The following NFIX variants were observed in gnomAD, a reference collection of about 807,000 sequenced individuals.
NFIX encodes the protein nuclear factor 1 X-type.
Under a neutral mutation model 53.3 loss-of-function variants are expected in NFIX, and 2 were observed. The ratio of observed to expected loss-of-function variants is 0.04; its 90% CI spans 0.02 to 0.12. The LOEUF is 0.12. Ranked by LOEUF, NFIX falls within the 10% of genes least tolerant of loss-of-function variation. NFIX has a pLI of 1.00. For missense variants in NFIX, 310 were observed against 674.5 expected (o/e 0.46, Z 5.99); for synonymous variants, 244 against 289.0 (o/e 0.84, Z 1.58).
chr19:13,092,938 G>A (rs2145529642), intron 10 of NFIX, among the ~76,000 whole-genome samples: 1 of 152,380 alleles, frequency 6.6e-6, no homozygotes, highest in South Asian at 2.1e-4. Flanking sequence ...GAGCCCCACT[G>A]AGGGAGGGCA....
intron 2 of NFIX, among the ~76,000 whole-genome samples, chr19:13,033,888 G>A (rs2013991602): frequency 6.6e-6 from 1 of 152,222 alleles, no homozygotes; most frequent in Admixed American, 6.5e-5. Flanking sequence ...GAATTAGCTC[G>A]TTTTGTCAGC....
At position 13,052,183 on chromosome 19, in the gene NFIX, G is replaced by C. The variant is rs1484053854; in HGVS notation, c.560-20864G>C. Among the ~76,000 whole-genome samples the C allele has an allele frequency of 6.6e-6, 1 of 152,178 alleles. No individual in the cohort carries two copies. The highest frequency in any genetic ancestry group is 1.5e-5 in the Non-Finnish European group (1 of 68,026). ...TCCTGGGGCTTGTCCAAGTGGGTAG[G>C]TCTGGGCAGGGCTCGTGAATCTGCA... On this transcript the variant is annotated intron_variant, in intron 2 of 10. Coordinates refer to ENST00000592199, the MANE Select transcript of NFIX (RefSeq NM_001365902.3). The surrounding 1 kb of genome is among the most constrained non-coding windows in gnomAD (Gnocchi z 5.2).
rs1228392390 is a variant in NFIX at position 13,068,338 on chromosome 19, G to C, written c.560-4709G>C. The stretch of plus-strand genomic sequence containing the variant: ...AAGGACAGAGGGAGGGGAGCCAAGG[G>C]AGACAGGGAAGTAAGATCAGAAATG... On this transcript the variant is annotated intron_variant, in intron 2 of 10. Transcript: ENST00000592199. The surrounding 1 kb of genome is among the most constrained non-coding windows in gnomAD (Gnocchi z 4.2). Among the ~76,000 whole-genome samples the C allele has an allele frequency of 1.3e-5, 2 of 152,178 alleles. No individual in the cohort carries two copies. The highest frequency in any genetic ancestry group is 2.9e-5 in the Non-Finnish European group (2 of 68,032).
rs556677258 is a variant in NFIX, at chr19:13,052,407, C to A, written c.560-20640C>A. On this transcript the variant is annotated intron_variant, in intron 2 of 10. Transcript: ENST00000592199. This position sits in a 1 kb window ranked among gnomAD's most constrained non-coding sequence, Gnocchi z 5.2. ...GGATGGCACGAACCACCTGAGTGAT[C>A]CCCCTGTTCTCAGAACACAGGTGGG... Among the ~76,000 whole-genome samples, 1 of 152,276 alleles carries A rather than the reference C, an allele frequency of 6.6e-6. No homozygotes were observed. Among genetic ancestry groups the A allele is most frequent in the Admixed American group, 6.5e-5 (1 of 15,302 alleles).
intron 2 of NFIX, among the ~76,000 whole-genome samples, chr19:13,050,961 T>G (rs577467991): frequency 6.6e-6 from 1 of 152,288 alleles, no homozygotes; most frequent in Admixed American, 6.5e-5. Context: ...CCCTTGGAGA[T>G]GGCCCTGGGC....
chr19:13,086,015 A>G (rs866591531), intron 8 of NFIX, among the ~76,000 whole-genome samples: 9 of 152,212 alleles, frequency 5.9e-5, no homozygotes, highest in South Asian at 2.1e-4. Context: ...GTTGTGATTC[A>G]GGGGATCTGG....
rs1161702365 is a variant in NFIX at position 12,995,797 on chromosome 19, C to T, written c.-41C>T. The T allele has an allele frequency of 4.7e-5, 45 of 964,180 alleles. No individual in the cohort carries two copies. Among genetic ancestry groups the T allele is most frequent in the Non-Finnish European group, 5.3e-5 (43 of 812,518 alleles). 59.7% of individuals were successfully genotyped at this position (964,180 alleles called of 1,614,324 possible). On this transcript the variant is annotated 5_prime_UTR_variant, in exon 1 of 11. Transcript: ENST00000592199. ...GGCCGCCGCCTGCCGGGCCTCCCCT[C>T]GCCGCGGCCGGCCGCCGCGCTCCCG...
chr19:13,017,858 C>T (rs926901091), intron 1 of NFIX, among the ~76,000 whole-genome samples: 1 of 152,238 alleles, frequency 6.6e-6, no homozygotes, highest in African/African-American at 2.4e-5. Context: ...GCAGTTCTTC[C>T]CTCTTCCCGG....
At chr19:13,091,827 G>A (rs939437650) in intron 10 of NFIX, among the ~76,000 whole-genome samples, 2 of 152,200 alleles carry the variant, frequency 1.3e-5, no homozygotes, top group South Asian at 2.1e-4. Context: ...GCGGTCGTGC[G>A]CTCCGAGGAC....
At position 13,088,490 on chromosome 19, in the gene NFIX, T is replaced by G. The variant is rs1001497881; in HGVS notation, c.1402+354T>G. ...ATGCCATCTTCATGCCTGATTGCTG[T>G]TTTTTTTTTTTTGTTTTTTGTTTTT... On this transcript the variant is annotated intron_variant, in intron 9 of 10. Coordinates refer to ENST00000592199, the MANE Select transcript of NFIX (RefSeq NM_001365902.3). This position sits in a 1 kb window ranked among gnomAD's most constrained non-coding sequence, Gnocchi z 5.9. Among the ~76,000 whole-genome samples, 3 of 137,320 alleles carry G rather than the reference T, an allele frequency of 2.2e-5. No homozygotes were observed. Among genetic ancestry groups the G allele is most frequent in the African/African-American group, 5.5e-5 (2 of 36,222 alleles). 90.1% of individuals were successfully genotyped at this position (137,320 alleles called of 152,430 possible). A position where few individuals can be genotyped will look rare whatever the true frequency, so the allele number is the denominator to read the frequency against.
chr19:13,071,959 G>A (rs2016800651), intron 2 of NFIX, among the ~76,000 whole-genome samples: 1 of 152,244 alleles, frequency 6.6e-6, no homozygotes, highest in African/African-American at 2.4e-5. Context: ...CCAGCAGGTT[G>A]AATCAGGGTG....
chr19:13,094,671 C>G lies in NFIX; in HGVS notation c.*22C>G. The stretch of plus-strand genomic sequence containing the variant: ...CTGATAAGATCGACAAAAGAAACAA[C>G]AAAATGAGAAGAAGAGGTTCCTCGA... On this transcript the variant is annotated 3_prime_UTR_variant, in exon 11 of 11. Transcript: ENST00000592199. This position sits in a 1 kb window ranked among gnomAD's most constrained non-coding sequence, Gnocchi z 4.3. The G allele has an allele frequency of 1.3e-6, 2 of 1,535,146 alleles. No homozygotes were observed. Among genetic ancestry groups the G allele is most frequent in the South Asian group, 1.2e-5 (1 of 84,024 alleles).
chr19:13,071,384 A>G (rs983594906), intron 2 of NFIX: 4 of 152,164 alleles, frequency 2.6e-5, no homozygotes, highest in Non-Finnish European at 5.9e-5. Context: ...CATTCACACC[A>G]TGCTATGGCA....
rs1221095241 is a variant in NFIX, at chr19:13,049,657, G to A, written c.560-23390G>A. Among the ~76,000 whole-genome samples the A allele has an allele frequency of 1.3e-5, 2 of 150,474 alleles. No homozygotes were observed. The highest frequency in any genetic ancestry group is 2.0e-4 in the East Asian group (1 of 5,112). ...CGCCCAGGCTGGAGTGCAGTGGCGC[G>A]ATCTCTGCTCACTGCAACCTCTGCC... On this transcript the variant is annotated intron_variant, in intron 2 of 10. Coordinates refer to ENST00000592199, the MANE Select transcript of NFIX (RefSeq NM_001365902.3). This position sits in a 1 kb window ranked among gnomAD's most constrained non-coding sequence, Gnocchi z 4.5.
chr19:12,997,372 C>T (rs987220225), intron 1 of NFIX, among the ~76,000 whole-genome samples: 9 of 152,214 alleles, frequency 5.9e-5, no homozygotes, highest in East Asian at 1.9e-4. Flanking sequence ...GCCCAGGGAG[C>T]GGGTTTTCCT....
chr19:13,034,699 A>G (rs1051704215), intron 2 of NFIX, among the ~76,000 whole-genome samples: 9 of 152,080 alleles, frequency 5.9e-5, no homozygotes, highest in Admixed American at 5.2e-4. Context: ...TCTGCTACTC[A>G]TTGCCTTTTT....
In NFIX at chr19:13,095,454, C is replaced by G. The variant is rs1013582915; in HGVS notation, c.*805C>G. 1.3e-5 allele frequency: 2 copies of G among 152,300 alleles called. No individual in the cohort carries two copies. Among genetic ancestry groups the G allele is most frequent in the Admixed American group, 6.5e-5 (1 of 15,286 alleles). The allele number at this position is 152,300 out of a possible 1,614,324, so 9.4% of individuals were successfully genotyped here. A position where few individuals can be genotyped will look rare whatever the true frequency, so the allele number is the denominator to read the frequency against. On this transcript the variant is annotated 3_prime_UTR_variant, in exon 11 of 11. Transcript: ENST00000592199. ...AAAGTCGGAATGCTCTCGACGGCCT[C>G]GTCCCAGCCTGGGACAGGCCCCCTT... is the stretch of plus-strand genomic sequence containing the variant.
Position 13,001,311 on chromosome 19 carries a change from A to T in NFIX, c.27+5447A>T, listed in dbSNP as rs1430197484. Among the ~76,000 whole-genome samples the T allele has an allele frequency of 6.6e-6, 1 of 152,012 alleles. No homozygotes were observed. The highest frequency in any genetic ancestry group is 1.5e-5 in the Non-Finnish European group (1 of 68,012). On this transcript the variant is annotated intron_variant, in intron 1 of 10. Transcript: ENST00000592199. This position sits in a 1 kb window ranked among gnomAD's most constrained non-coding sequence, Gnocchi z 6.5. ...CCCGGGTCCCTCTCCATGCCTCTCCATGTCTCCCAGCGTCCATCACTGGGT... is the reference window on the plus strand; with the variant it reads ...CCCGGGTCCCTCTCCATGCCTCTCCTTGTCTCCCAGCGTCCATCACTGGGT...
intron 1 of NFIX, among the ~76,000 whole-genome samples, chr19:13,004,937 C>T (rs1012673340): frequency 6.6e-6 from 1 of 152,134 alleles, no homozygotes; most frequent in African/African-American, 2.4e-5. Context: ...ATGCCTCAGC[C>T]TCCCGAGTAG....
Sources: allele counts gnomAD v4.1 joint callset (sites outside exome capture counted in the v4.1 genomes callset), GRCh38; gene constraint gnomAD v4.1.1; non-coding constraint Gnocchi (gnomAD v3.1); transcripts MANE v1.5; gene names NCBI Gene and HGNC (gene_info 2026-07-23, HGNC 2026-07-21).